Variants in GRID2 observed in about 807,000 individuals in gnomAD.
The protein encoded by GRID2 is glutamate receptor ionotropic, delta-2.
GRID2 carries 33 observed loss-of-function variants against 114.8 expected under a neutral mutation model. The ratio of observed to expected loss-of-function variants is 0.29; its 90% CI spans 0.22 to 0.38. The LOEUF (loss-of-function observed/expected upper bound fraction) is 0.38. Ranked by LOEUF, GRID2 falls within the 10% of genes least tolerant of loss-of-function variation. GRID2 has a pLI of 1.00. For synonymous variants in GRID2, 505 were observed against 449.9 expected, an observed-to-expected ratio of 1.12 and a Z score of -1.55; for missense variants, 1,184 against 1,257.7, an observed-to-expected ratio of 0.94 and a Z score of 0.89.
At chr4:92,688,989 A>G (rs1734053749) in intron 2 of GRID2, among the ~76,000 whole-genome samples, 1 of 152,198 alleles carries the variant, frequency 6.6e-6, no homozygotes, top group South Asian at 2.1e-4. Context: ...AAAGTACACA[A>G]ACAAGGAGAT....
intron 1 of GRID2, among the ~76,000 whole-genome samples, chr4:92,473,609 G>T (rs987977913): frequency 6.6e-6 from 1 of 151,944 alleles, no homozygotes; most frequent in Admixed American, 6.6e-5. Flanking sequence ...AGGATCCTCA[G>T]AATTTTATCA....
At chr4:92,587,013 A>G (rs952323680) in intron 1 of GRID2, among the ~76,000 whole-genome samples, 5 of 151,496 alleles carry the variant, frequency 3.3e-5, no homozygotes, top group Non-Finnish European at 5.9e-5. Context: ...AATATTCAGG[A>G]GGTGTTCCTT....
At chr4:92,690,666 T>C (rs1186462438) in intron 2 of GRID2, among the ~76,000 whole-genome samples, 3 of 152,202 alleles carry the variant, frequency 2.0e-5, no homozygotes, top group Non-Finnish European at 4.4e-5. Flanking sequence ...AAACAAATTA[T>C]ACCTGTATAT....
chr4:92,592,307 T>C (rs1467573265), intron 2 of GRID2, among the ~76,000 whole-genome samples: 2 of 152,050 alleles, frequency 1.3e-5, no homozygotes, highest in East Asian at 3.9e-4. Flanking sequence ...AAACTACCTA[T>C]GCTTTTTAAA....
At chr4:93,645,856 G>T (rs1417671118) in intron 14 of GRID2, among the ~76,000 whole-genome samples, 1 of 152,234 alleles carries the variant, frequency 6.6e-6, no homozygotes, top group African/African-American at 2.4e-5. Flanking sequence ...AGCTTGCAAA[G>T]AATTACAAAA....
intron 2 of GRID2, among the ~76,000 whole-genome samples, chr4:92,613,874 T>C (rs1729874930): frequency 6.6e-6 from 1 of 150,538 alleles, no homozygotes; most frequent in South Asian, 2.1e-4. Context: ...CTTACTTCTG[T>C]TTAATTTGTG....
At chr4:92,494,005 T>A (rs956915345) in intron 1 of GRID2, among the ~76,000 whole-genome samples, 1 of 152,312 alleles carries the variant, frequency 6.6e-6, no homozygotes, top group South Asian at 2.1e-4. Context: ...TCCTTGCACT[T>A]CAGCTATTTA....
At chr4:92,329,327 G>T (rs964180448) in intron 1 of GRID2, among the ~76,000 whole-genome samples, 7 of 151,802 alleles carry the variant, frequency 4.6e-5, no homozygotes. Flanking sequence ...ATTATAAAAG[G>T]AAAGAAAACC....
chr4:93,588,621 C>T (rs1055574826), intron 13 of GRID2, among the ~76,000 whole-genome samples: 4 of 152,156 alleles, frequency 2.6e-5, no homozygotes, highest in African/African-American at 9.7e-5. Flanking sequence ...ACCCACCCAG[C>T]TTCTCCACTG....
intron 2 of GRID2, among the ~76,000 whole-genome samples, chr4:92,757,259 C>G (rs1311223578): frequency 1.3e-5 from 2 of 151,984 alleles, no homozygotes; most frequent in African/African-American, 4.8e-5. Flanking sequence ...CTTGTTTTCA[C>G]ACAGATCAAT....
intron 1 of GRID2, among the ~76,000 whole-genome samples, chr4:92,424,797 A>G (rs1732076832): frequency 6.6e-6 from 1 of 151,422 alleles, no homozygotes; most frequent in African/African-American, 2.4e-5. Context: ...TTGTCTATTT[A>G]CAACAGCAGT....
At chr4:92,342,904 G>A (rs184860988) in intron 1 of GRID2, among the ~76,000 whole-genome samples, 1 of 152,132 alleles carries the variant, frequency 6.6e-6, no homozygotes, top group African/African-American at 2.4e-5. Flanking sequence ...TAAGGATCTC[G>A]GTCCCGTGTG....
chr4:92,614,705 T>A (rs1729920290), intron 2 of GRID2, among the ~76,000 whole-genome samples: 1 of 151,622 alleles, frequency 6.6e-6, no homozygotes, highest in Non-Finnish European at 1.5e-5. Context: ...GTACTACAGA[T>A]GACAGGTCAA....
chr4:92,813,163 T>G (rs1740734032), intron 2 of GRID2, among the ~76,000 whole-genome samples: 1 of 152,106 alleles, frequency 6.6e-6, no homozygotes, highest in African/African-American at 2.4e-5. Context: ...ATGATAAAAA[T>G]ATATTTCCTG....
At chr4:93,217,302 G>A (rs956482220) in intron 6 of GRID2, 2 of 154,984 alleles carry the variant, frequency 1.3e-5, no homozygotes, top group African/African-American at 2.4e-5. Flanking sequence ...AAAAAGATTG[G>A]TCTCCAGTTT....
At chr4:93,377,152 C>T (rs758417069) in intron 8 of GRID2, among the ~76,000 whole-genome samples, 4 of 151,870 alleles carry the variant, frequency 2.6e-5, no homozygotes, top group South Asian at 2.1e-4. Context: ...AAAGAGTAGG[C>T]GCATAAATAA....
chr4:92,594,854 G>A (rs1728874891), intron 2 of GRID2, among the ~76,000 whole-genome samples: 1 of 151,954 alleles, frequency 6.6e-6, no homozygotes, highest in African/African-American at 2.4e-5. Flanking sequence ...TCTGAAAGCA[G>A]TACTTATTGT....
intron 13 of GRID2, among the ~76,000 whole-genome samples, chr4:93,622,193 C>G (rs1372490822): frequency 5.3e-5 from 8 of 152,114 alleles, no homozygotes; most frequent in Non-Finnish European, 1.0e-4. Flanking sequence ...TTGCAAAGAT[C>G]AGAGAAAAGA....
chr4:93,489,616 G>T (rs1726776519), intron 11 of GRID2, among the ~76,000 whole-genome samples: 1 of 151,892 alleles, frequency 6.6e-6, no homozygotes, highest in African/African-American at 2.4e-5. Flanking sequence ...TAGAGTCAAA[G>T]ATGTCATCTT....
Sources: gnomAD v4.1 joint callset for allele counts (sites outside exome capture counted in the v4.1 genomes callset) on GRCh38, gnomAD v4.1.1 for gene constraint, MANE v1.5 for transcripts, NCBI Gene and HGNC (gene_info 2026-07-23, HGNC 2026-07-21) for gene names.